RNF141: variants seen among roughly 807,000 people sequenced by gnomAD.
The protein encoded by RNF141 is C3HC4-like zinc finger protein.
Under a neutral mutation model 27.4 loss-of-function variants are expected in RNF141, and 18 were observed. The ratio of observed to expected loss-of-function variants is 0.66; its 90% CI spans 0.45 to 0.97. RNF141 has a LOEUF of 0.97. Ranked by LOEUF, RNF141 falls within the 50% of genes least tolerant of loss-of-function variation. The pLI is 0.00. For missense variants in RNF141, 230 were observed against 279.4 expected, an observed-to-expected ratio of 0.82 and a Z score of 1.26; for synonymous variants, 97 against 96.6, an observed-to-expected ratio of 1.00 and a Z score of -0.02.
chr11:10,522,965 C>A (rs894043217), intron 4 of RNF141, among the ~76,000 whole-genome samples: 4 of 152,146 alleles, frequency 2.6e-5, no homozygotes, highest in Admixed American at 6.5e-5. Flanking sequence ...GAGTCTGTGC[C>A]GTGCTGCCTC....
At chr11:10,525,583 C>T (rs1460322659) in intron 3 of RNF141, among the ~76,000 whole-genome samples, 1 of 152,184 alleles carries the variant, frequency 6.6e-6, no homozygotes, top group Non-Finnish European at 1.5e-5. Context: ...AAATTTACCT[C>T]ATTTAACACA....
rs774252527 is a variant in RNF141, at chr11:10,514,922, C to A, written c.687G>T (p.Arg229Ser). Residue 229 changes from arginine (R) to serine (S), a missense_variant, in exon 6 of 6, where the codon AGG (arginine) becomes AGT (serine). By Grantham distance (110) the Arg-to-Ser change is moderately radical (BLOSUM62 -1). Transcript: ENST00000265981. ...NMADEAGQPH[R>S]P Reference sequence around the variant, plus strand: ...GAAGACTTTCACTTCAAGGTCATGGCCTGTGGGGCTGGCCTGCCTCATCAG... The same window carrying A: ...GAAGACTTTCACTTCAAGGTCATGGACTGTGGGGCTGGCCTGCCTCATCAG... 5.6e-6 allele frequency: 9 copies of A among 1,611,248 alleles called. No homozygotes were observed. In the African/African-American group the frequency reaches 9.4e-5, roughly 17 times the overall value.
intron 1 of RNF141, among the ~76,000 whole-genome samples, chr11:10,538,630 A>G (rs1409043063): frequency 2.6e-5 from 4 of 152,244 alleles, no homozygotes; most frequent in Non-Finnish European, 5.9e-5. Flanking sequence ...CAAGCACTCA[A>G]TAGATGTTTA....
At chr11:10,527,798 G>C (rs1326162176) in intron 3 of RNF141, among the ~76,000 whole-genome samples, 1 of 152,136 alleles carries the variant, frequency 6.6e-6, no homozygotes. Flanking sequence ...CAGTTAGGAG[G>C]CTACTGGAAT....
chr11:10,540,757 A>T (rs1271638727), intron 1 of RNF141: 1 of 152,274 alleles, frequency 6.6e-6, no homozygotes, highest in Non-Finnish European at 1.5e-5. Flanking sequence ...GCGCACCTGG[A>T]CATTTAACCA....
rs144373379 is a variant in RNF141, at chr11:10,520,615, A to G, written c.435-1474T>C. Among the ~76,000 whole-genome samples the G allele has an allele frequency of 5.0e-3, 758 of 152,356 alleles. 6 individuals are homozygous for G. Among genetic ancestry groups the G allele is most frequent in the Non-Finnish European group, 6.6e-3 (450 of 68,034 alleles). The stretch of plus-strand genomic sequence containing the variant: ...GAAGGAGTATACTCTAAAATGATTA[A>G]AAAGTATAGTATAGTATAATAAATG... On this transcript the variant is annotated intron_variant, in intron 4 of 5. Coordinates refer to ENST00000265981, the MANE Select transcript of RNF141 (RefSeq NM_016422.4).
At chr11:10,530,245 A>C (rs1342794502) in intron 3 of RNF141, among the ~76,000 whole-genome samples, 1 of 152,188 alleles carries the variant, frequency 6.6e-6, no homozygotes, top group Non-Finnish European at 1.5e-5. Flanking sequence ...CTTTCAATGG[A>C]TCTTTTTTCT....
At chr11:10,538,373 A>G (rs142280499) in intron 1 of RNF141, among the ~76,000 whole-genome samples, 1 of 152,242 alleles carries the variant, frequency 6.6e-6, no homozygotes, top group Non-Finnish European at 1.5e-5. Flanking sequence ...ATCTATCACT[A>G]TATGGGTGTG....
intron 2 of RNF141, 26 bp downstream of exon 2, chr11:10,533,990 C>A: frequency 6.2e-7 from 1 of 1,605,198 alleles, no homozygotes; most frequent in Non-Finnish European, 8.5e-7. Flanking sequence ...AGGGGAAAAA[C>A]GAAAAACAAA....
At chr11:10,519,768 A>C (rs566889352) in intron 4 of RNF141, among the ~76,000 whole-genome samples, 1 of 147,918 alleles carries the variant, frequency 6.8e-6, no homozygotes, top group South Asian at 2.1e-4. Context: ...AAGATTAAAA[A>C]TGGTACACCT....
chr11:10,540,434 T>A (rs1156431890), intron 1 of RNF141, among the ~76,000 whole-genome samples: 2 of 152,182 alleles, frequency 1.3e-5, no homozygotes, highest in Non-Finnish European at 2.9e-5. Flanking sequence ...ACTGAAGGAA[T>A]AATTTCAAAA....
At chr11:10,525,717 A>G (rs1156519820) in intron 3 of RNF141, among the ~76,000 whole-genome samples, 1 of 152,202 alleles carries the variant, frequency 6.6e-6, no homozygotes, top group African/African-American at 2.4e-5. Flanking sequence ...TTCTTAAAGA[A>G]TTTCTTAACC....
At chr11:10,539,347 C>T (rs1311276569) in intron 1 of RNF141, among the ~76,000 whole-genome samples, 1 of 152,004 alleles carries the variant, frequency 6.6e-6, no homozygotes, top group Non-Finnish European at 1.5e-5. Context: ...ATGACAAGTA[C>T]TGCACTGTAG....
chr11:10,530,861 AACAC>A (rs1849979765), intron 2 of RNF141, 110 bp from the exon 3 acceptor site: 1 of 543,850 alleles, frequency 1.8e-6, no homozygotes, highest in Non-Finnish European at 3.1e-6. Flanking sequence ...AATATGAAGA[AACAC>A]AAAAAGACAA....
chr11:10,522,530 A>G (rs919332267), intron 4 of RNF141, among the ~76,000 whole-genome samples: 2 of 152,206 alleles, frequency 1.3e-5, no homozygotes, highest in Non-Finnish European at 2.9e-5. Context: ...GACAGAGAAA[A>G]GACCATCTGG....
At chr11:10,525,441 G>A in intron 3 of RNF141, 68 bp from the exon 4 acceptor site, 2 of 1,222,150 alleles carry the variant, frequency 1.6e-6, no homozygotes, top group Non-Finnish European at 2.3e-6. Flanking sequence ...CCAAAAAGGG[G>A]GAACAAATAT....
At chr11:10,536,689 C>T (rs187150467) in intron 1 of RNF141, among the ~76,000 whole-genome samples, 21 of 152,266 alleles carry the variant, frequency 1.4e-4, no homozygotes, top group Admixed American at 9.1e-4. Flanking sequence ...GTAACAAACT[C>T]CTGGGCTCAA....
At chr11:10,530,847 A>AG in intron 2 of RNF141, 96 bp from the exon 3 acceptor site, 1 of 595,178 alleles carries the variant, frequency 1.7e-6, no homozygotes, top group Non-Finnish European at 2.8e-6. Flanking sequence ...ATTTCAGAGA[A>AG]GGAAATATGA....
chr11:10,518,686 G>C (rs1564865442), intron 5 of RNF141: 1 of 171,856 alleles, frequency 5.8e-6, no homozygotes, highest in Non-Finnish European at 1.2e-5. Flanking sequence ...CTGAGGTCCA[G>C]TATTCAAGAA....
Sources: allele counts gnomAD v4.1 joint callset (sites outside exome capture counted in the v4.1 genomes callset), GRCh38; gene constraint gnomAD v4.1.1; transcripts MANE v1.5; gene names NCBI Gene and HGNC (gene_info 2026-07-23, HGNC 2026-07-21).